VPS54: variants seen among roughly 807,000 people sequenced by gnomAD.
The protein encoded by VPS54 is vacuolar protein sorting-associated protein 54.
VPS54 carries 45 observed loss-of-function variants against 121.5 expected under a neutral mutation model. That is an observed-to-expected ratio of 0.37 (90% CI 0.29 to 0.47). The LOEUF is 0.47. Ranked by LOEUF, VPS54 falls within the 20% of genes least tolerant of loss-of-function variation. The pLI, the probability that VPS54 is intolerant of heterozygous loss-of-function variation, is 0.99. For missense variants in VPS54, 1,090 were observed against 1,131.4 expected, an observed-to-expected ratio of 0.96 and a Z score of 0.52; for synonymous variants, 371 against 385.8, an observed-to-expected ratio of 0.96 and a Z score of 0.45.
chr2:64,008,328 C>T (rs1208800261), intron 1 of VPS54, among the ~76,000 whole-genome samples: 2 of 151,578 alleles, frequency 1.3e-5, no homozygotes, highest in Non-Finnish European at 2.9e-5. Context: ...GCACAAGAAT[C>T]GCTTGGACCT....
At chr2:63,987,552 T>A (rs115114913) in intron 1 of VPS54, among the ~76,000 whole-genome samples, 1 of 152,222 alleles carries the variant, frequency 6.6e-6, no homozygotes, top group African/African-American at 2.4e-5. Context: ...GTTTTTTCTA[T>A]TTCTCTGAAG....
chr2:63,991,116 C>T (rs1397714178), intron 1 of VPS54, among the ~76,000 whole-genome samples: 2 of 152,168 alleles, frequency 1.3e-5, no homozygotes, highest in Non-Finnish European at 2.9e-5. Context: ...CCCAATTAAA[C>T]TTTGATGCTC....
chr2:63,979,165 A>G (rs894849742), intron 3 of VPS54, among the ~76,000 whole-genome samples: 4 of 151,284 alleles, frequency 2.6e-5, no homozygotes, highest in African/African-American at 9.7e-5. Context: ...TCAAAGAATC[A>G]GCTTTTTGTT....
chr2:63,983,904 A>G lies in VPS54; in HGVS notation c.96T>C (p.Pro32=). ...IEVDPSKHIR[P]VPSLPDVCPK... Reference sequence around the variant, plus strand: ...GACACACATCTGGCAGTGATGGCACAGGTCGAATGTGTTTTGACGGATCTA... The same window carrying G: ...GACACACATCTGGCAGTGATGGCACGGGTCGAATGTGTTTTGACGGATCTA... Residue 32 remains proline, a synonymous_variant, in exon 2 of 23, where the codon CCT becomes CCC. Transcript: ENST00000272322. 6.2e-7 allele frequency: 1 copy of G among 1,613,150 alleles called. No individual in the cohort carries two copies. Among genetic ancestry groups the G allele is most frequent in the South Asian group, 1.1e-5 (1 of 90,764 alleles).
chr2:63,907,302 T>A (rs992872207), intron 20 of VPS54, among the ~76,000 whole-genome samples: 2 of 152,100 alleles, frequency 1.3e-5, no homozygotes, highest in African/African-American at 4.8e-5. Flanking sequence ...GCAGATCACC[T>A]GAGGTCGGGA....
At chr2:63,929,847 C>T (rs1674102258) in intron 12 of VPS54, among the ~76,000 whole-genome samples, 2 of 152,118 alleles carry the variant, frequency 1.3e-5, no homozygotes, top group Non-Finnish European at 2.9e-5. Flanking sequence ...ACCAACCCCA[C>T]AGAAATACAA....
intron 1 of VPS54, among the ~76,000 whole-genome samples, chr2:64,005,253 G>T (rs1014594031): frequency 6.6e-6 from 1 of 150,612 alleles, no homozygotes; most frequent in African/African-American, 2.4e-5. Flanking sequence ...ACAGGTGCCC[G>T]CCACCGCGCC....
chr2:63,934,102 A>C (rs942253810), intron 11 of VPS54, 89 bp from the exon 12 acceptor site: 29 of 1,167,400 alleles, frequency 2.5e-5, no homozygotes, highest in Non-Finnish European at 3.4e-5. Context: ...GTAATTTTGG[A>C]CATCTATAAT....
intron 21 of VPS54, among the ~76,000 whole-genome samples, chr2:63,898,402 G>A (rs757071661): frequency 2.0e-5 from 3 of 152,146 alleles, no homozygotes; most frequent in Non-Finnish European, 2.9e-5. Flanking sequence ...CGTATTTTAC[G>A]GCTCCCCTTC....
intron 1 of VPS54, among the ~76,000 whole-genome samples, chr2:64,016,938 A>G (rs1678725682): frequency 6.9e-6 from 1 of 145,532 alleles, no homozygotes; most frequent in East Asian, 2.1e-4. Flanking sequence ...GGTGTATTTT[A>G]TGGTATGTTA....
intron 11 of VPS54, 149 bp from the exon 12 acceptor site, chr2:63,934,162 T>C (rs1559003082): frequency 1.4e-6 from 1 of 694,184 alleles, no homozygotes; most frequent in South Asian, 2.2e-5. Context: ...GATCTTTTAT[T>C]ACATAGGAAA....
intron 3 of VPS54, among the ~76,000 whole-genome samples, chr2:63,972,614 G>A (rs1016783016): frequency 5.9e-5 from 9 of 152,070 alleles, no homozygotes; most frequent in East Asian, 5.8e-4. Context: ...GGCCAGGTGC[G>A]GTAGCTCACA....
At chr2:63,965,740 A>G in intron 6 of VPS54, 95 bp downstream of exon 6, 1 of 1,505,260 alleles carries the variant, frequency 6.6e-7, no homozygotes, top group Non-Finnish European at 9.0e-7. Context: ...TGAATTTAAA[A>G]GTACAGCTTA....
In VPS54 at chr2:63,895,756, TATTTCAAAGAC is replaced by T. The variant is rs550029883; in HGVS notation, c.2828+1729_2828+1739del. ...CAGGGTAGAGGTTAATCTTCAGGGA[TATTTCAAAGAC>T]ATGAATTGACTTATAAAGAATGAGT... On this transcript the variant is annotated intron_variant, in intron 22 of 22. Transcript: ENST00000272322. Among the ~76,000 whole-genome samples the T allele has an allele frequency of 1.2e-4, 19 of 152,346 alleles. 1 individual carries two copies. In the South Asian group the frequency reaches 3.9e-3, roughly 32 times the overall value.
At chr2:64,001,565 C>A (rs572763271) in intron 1 of VPS54, among the ~76,000 whole-genome samples, 1 of 152,174 alleles carries the variant, frequency 6.6e-6, no homozygotes. Context: ...GGCCCAAGGG[C>A]CCTTTAGTCA....
chr2:63,941,635 TAA>T (rs1437741380), intron 11 of VPS54, among the ~76,000 whole-genome samples: 1 of 152,220 alleles, frequency 6.6e-6, no homozygotes, highest in African/African-American at 2.4e-5. Context: ...TTTGTTATAC[TAA>T]GTGGTTTAAA....
At chr2:63,921,449 A>G (rs1673642610) in intron 12 of VPS54, 114 bp from the exon 13 acceptor site, 1 of 1,134,294 alleles carries the variant, frequency 8.8e-7, no homozygotes, top group Admixed American at 2.5e-5. Flanking sequence ...TTGAAGAAAA[A>G]TTCTATGATG....
In VPS54 at chr2:63,913,326, G is replaced by GA. The variant is rs748147198; in HGVS notation, c.2335-17dup. On this transcript the variant is annotated splice_polypyrimidine_tract_variant and intron_variant, in intron 17 of 22. Coordinates refer to ENST00000272322, the MANE Select transcript of VPS54 (RefSeq NM_016516.3). ...AATTGAAGTACTAACAAAAGAAGGA[G>GA]AAAAAAACCCCAAAATTTACTAAAA... The GA allele has an allele frequency of 1.2e-4, 193 of 1,589,106 alleles. No homozygotes were observed. Among genetic ancestry groups the GA allele is most frequent in the Non-Finnish European group, 1.5e-4 (179 of 1,167,874 alleles).
At chr2:64,008,937 GAATC>G (rs1431009258) in intron 1 of VPS54, among the ~76,000 whole-genome samples, 3 of 152,192 alleles carry the variant, frequency 2.0e-5, no homozygotes, top group Non-Finnish European at 4.4e-5. Flanking sequence ...ATTTCTGAAT[GAATC>G]AATGAATCAA....
Sources: allele counts gnomAD v4.1 joint callset (sites outside exome capture counted in the v4.1 genomes callset), GRCh38; gene constraint gnomAD v4.1.1; transcripts MANE v1.5; gene names NCBI Gene and HGNC (gene_info 2026-07-23, HGNC 2026-07-21).